Variants in PCLO observed in about 807,000 individuals in gnomAD.
The protein encoded by PCLO is protein piccolo.
In PCLO, 82 loss-of-function variants were observed where a neutral mutation model predicts 427.5. The ratio of observed to expected loss-of-function variants is 0.19; its 90% confidence interval spans 0.16 to 0.23. The LOEUF (loss-of-function observed/expected upper bound fraction) is 0.23, where lower values mean the gene tolerates loss of function less well. Ranked by LOEUF, PCLO falls within the 10% of genes least tolerant of loss-of-function variation. The pLI is 1.00. For synonymous variants in PCLO, 2,357 were observed against 2,155.4 expected (o/e 1.09, Z -2.59); for missense variants, 6,239 against 6,115.9 (o/e 1.02, Z -0.67).
In PCLO at chr7:82,915,573, C is replaced by T. The variant is rs956102564; in HGVS notation, c.12413G>A (p.Ser4138Asn). 1 of 1,613,492 alleles carries T rather than the reference C, an allele frequency of 6.2e-7. No individual in the cohort carries two copies. The highest frequency in any genetic ancestry group is 1.3e-5 in the African/African-American group (1 of 74,896). The change falls in exon 7 of 25, where the codon AGC (serine) becomes AAC (asparagine). Residue 4138 changes from serine (S) to asparagine (N), a missense_variant. Around this residue, in one of 5 missense-constraint regions of PCLO, gnomAD observed 680 missense variants for 677.3 expected, o/e 1.00. Coordinates refer to ENST00000333891, the MANE Select transcript of PCLO (RefSeq NM_033026.6). Reference protein sequence around the residue: ...IKQEFRRGTESLDHLAGLSHY... With the variant: ...IKQEFRRGTENLDHLAGLSHY... ...AGAAAGACCAGCAAGGTGATCTAAG[C>T]TCTCTGTCCCTCTACGAAATTCCTG...
chr7:83,154,680 T>C, intron 2 of PCLO, 68 bp downstream of exon 2: 2 of 1,127,912 alleles, frequency 1.8e-6, no homozygotes, highest in South Asian at 2.7e-5. Context: ...ATGTGTTTAG[T>C]TAAGCATCAT....
At chr7:82,889,524 G>A (rs938144435) in intron 9 of PCLO, among the ~76,000 whole-genome samples, 5 of 152,130 alleles carry the variant, frequency 3.3e-5, no homozygotes, top group African/African-American at 4.8e-5. Context: ...TTCTTAGTTT[G>A]GGAGTGCAAA....
At chr7:82,967,389 G>C (rs1795804190) in intron 3 of PCLO, among the ~76,000 whole-genome samples, 1 of 151,818 alleles carries the variant, frequency 6.6e-6, no homozygotes, top group Admixed American at 6.6e-5. Flanking sequence ...TGGTCAGGCT[G>C]GTCTTGAACT....
chr7:82,983,790 T>C (rs988961276), intron 3 of PCLO, among the ~76,000 whole-genome samples: 11 of 151,952 alleles, frequency 7.2e-5, no homozygotes, highest in Non-Finnish European at 1.3e-4. Flanking sequence ...TTTTTCCAAA[T>C]GTATTTGAGT....
At position 83,113,368 on chromosome 7, in the gene PCLO, C is replaced by T. The variant is rs561356728; in HGVS notation, c.3300+20882G>A. 1.3e-4 allele frequency among the ~76,000 whole-genome samples: 20 copies of T among 152,254 alleles called. No homozygotes were observed. The South Asian group carries it at 3.9e-3, about 30-fold the overall frequency. On this transcript the variant is annotated intron_variant, in intron 3 of 24. Coordinates refer to ENST00000333891, the MANE Select transcript of PCLO (RefSeq NM_033026.6). Reference sequence around the variant, plus strand: ...TTTTTTCCTTGAAGCTTAGTTTCATCCATTTATCCCCCAGCCTTAGCTGTA... The same window carrying T: ...TTTTTTCCTTGAAGCTTAGTTTCATTCATTTATCCCCCAGCCTTAGCTGTA...
chr7:82,774,910 C>G (rs769369523), intron 22 of PCLO, among the ~76,000 whole-genome samples: 1 of 152,192 alleles, frequency 6.6e-6, no homozygotes, highest in Non-Finnish European at 1.5e-5. Flanking sequence ...TCCTTCTCCC[C>G]GCTAAACCCC....
intron 3 of PCLO, among the ~76,000 whole-genome samples, chr7:83,031,627 G>T (rs940273591): frequency 2.6e-5 from 4 of 152,068 alleles, no homozygotes; most frequent in African/African-American, 9.7e-5. Flanking sequence ...GATTCTAAGT[G>T]CACCTGTAAT....
rs2129467533 is a variant in PCLO at position 82,760,657 on chromosome 7, A to T, written c.15270T>A (p.Pro5090=). ...GAGCTACCTGAAGAGAATGTCCTGC[A>T]GGACTTAGACTGAATCGAAAAGTTT... ...FNETFRFSLS[P]AGHSLQILLF... is the part of the protein sequence containing the mutation. The change falls in exon 24 of 25, where the codon CCT becomes CCA. Residue 5090 remains proline (P), a synonymous_variant. Coordinates refer to ENST00000333891, the MANE Select transcript of PCLO (RefSeq NM_033026.6). 6.2e-7 allele frequency: 1 copy of T among 1,600,854 alleles called. No homozygotes were observed. Among genetic ancestry groups the T allele is most frequent in the East Asian group, 2.2e-5 (1 of 44,606 alleles).
In PCLO at chr7:82,955,574, C is replaced by T; in HGVS notation, c.5379G>A (p.Arg1793=). 2 of 1,613,778 alleles carry T rather than the reference C, an allele frequency of 1.2e-6. No homozygotes were observed. The highest frequency in any genetic ancestry group is 1.7e-6 in the Non-Finnish European group (2 of 1,179,824). Reference sequence around the variant, plus strand: ...TCTTTCTTTGTTGCTGTTCTATTTCCCTCTGCTTTTCTTGCTCCTTTAATA... The same window carrying T: ...TCTTTCTTTGTTGCTGTTCTATTTCTCTCTGCTTTTCTTGCTCCTTTAATA... ...EELLKEQEKQ[R]EIEQQQRKSS... is the part of the protein sequence containing the mutation. Residue 1793 remains arginine, a synonymous_variant, in exon 5 of 25, where the codon AGG becomes AGA. Transcript: ENST00000333891.
At chr7:82,761,006 C>T (rs1280249540) in intron 23 of PCLO, among the ~76,000 whole-genome samples, 3 of 117,130 alleles carry the variant, frequency 2.6e-5, no homozygotes, top group African/African-American at 9.8e-5. Context: ...GTCTGGAATG[C>T]AGTGGCCAGA....
chr7:83,026,617 T>C (rs1313387092), intron 3 of PCLO, among the ~76,000 whole-genome samples: 3 of 151,668 alleles, frequency 2.0e-5, no homozygotes, highest in African/African-American at 7.3e-5. Flanking sequence ...AATAGACATC[T>C]ACAGAACTCT....
chr7:83,142,091 T>C (rs1791876972), intron 2 of PCLO, among the ~76,000 whole-genome samples: 1 of 151,324 alleles, frequency 6.6e-6, no homozygotes, highest in Admixed American at 6.6e-5. Context: ...ACATCCTCTC[T>C]TCTATGTAAC....
intron 6 of PCLO, among the ~76,000 whole-genome samples, chr7:82,940,491 A>G (rs1795056379): frequency 6.6e-6 from 1 of 152,172 alleles, no homozygotes; most frequent in Non-Finnish European, 1.5e-5. Context: ...GATATATTAG[A>G]GAGCTAAAAC....
chr7:82,823,268 G>A (rs772078163), intron 19 of PCLO, among the ~76,000 whole-genome samples: 35 of 152,050 alleles, frequency 2.3e-4, no homozygotes, highest in African/African-American at 7.2e-4. Context: ...TACAAAACTC[G>A]TAGTCAGCAG....
At chr7:83,043,833 TAGAAG>T (rs1789030060) in intron 3 of PCLO, among the ~76,000 whole-genome samples, 1 of 150,650 alleles carries the variant, frequency 6.6e-6, no homozygotes. Flanking sequence ...TTTCCAATTA[TAGAAG>T]AGAAATCATA....
At chr7:82,770,390 T>A (rs1790624145) in intron 22 of PCLO, among the ~76,000 whole-genome samples, 1 of 152,038 alleles carries the variant, frequency 6.6e-6, no homozygotes, top group East Asian at 1.9e-4. Flanking sequence ...CTCAATTATC[T>A]GTTTTCTTCC....
In PCLO at chr7:82,952,314, GT is replaced by G; in HGVS notation, c.8638del (p.Thr2880GlnfsTer18). The G allele has an allele frequency of 6.2e-7, 1 of 1,613,966 alleles. No individual in the cohort carries two copies. Among genetic ancestry groups the G allele is most frequent in the Non-Finnish European group, 8.5e-7 (1 of 1,179,858 alleles). On this transcript the variant is annotated frameshift_variant, in exon 5 of 25. Coordinates refer to ENST00000333891, the MANE Select transcript of PCLO (RefSeq NM_033026.6). LOFTEE classifies it high-confidence loss of function. The part of the protein sequence containing the change: ...KPVTVPPVGV[T>X]NGWTDSTVSQ... Reference sequence around the variant, plus strand: ...TACGGTGCTATCAGTCCATCCATTTGTGACACCAACAGGAGGCACAGTGACA... The same window carrying G: ...TACGGTGCTATCAGTCCATCCATTTGGACACCAACAGGAGGCACAGTGACA...
At chr7:83,132,660 T>G (rs546505382) in intron 3 of PCLO, among the ~76,000 whole-genome samples, 2 of 152,222 alleles carry the variant, frequency 1.3e-5, no homozygotes, top group East Asian at 3.9e-4. Flanking sequence ...TTTTAAGTTA[T>G]AGTGCTCAAC....
chr7:82,846,683 C>A (rs1472336152), intron 11 of PCLO, 49 bp from the exon 12 acceptor site: 1 of 1,294,048 alleles, frequency 7.7e-7, no homozygotes, highest in East Asian at 2.3e-5. Flanking sequence ...AAATCTGAGA[C>A]AAAGAGCACT....
Sources: gnomAD v4.1 joint callset for allele counts (sites outside exome capture counted in the v4.1 genomes callset) on GRCh38, gnomAD v4.1.1 for gene constraint, gnomAD v4.1.1 regional missense constraint, MANE v1.5 for transcripts, NCBI Gene and HGNC (gene_info 2026-07-23, HGNC 2026-07-21) for gene names.